UNC5C: variants seen among roughly 807,000 people sequenced by gnomAD.
UNC5C encodes unc-5 netrin receptor C, also known as netrin receptor UNC5C.
A neutral mutation model predicts 99.8 loss-of-function variants in UNC5C; 47 were observed. The ratio of observed to expected loss-of-function variants is 0.47; its 90% CI spans 0.37 to 0.60. The LOEUF is 0.60. Ranked by LOEUF, UNC5C falls within the 20% of genes least tolerant of loss-of-function variation. The pLI, the probability that UNC5C is intolerant of heterozygous loss-of-function variation, is 0.00. For synonymous variants in UNC5C, 487 were observed against 452.2 expected (o/e 1.08, Z -0.98); for missense variants, 1,062 against 1,165.9 (o/e 0.91, Z 1.30).
intron 15 of UNC5C, among the ~76,000 whole-genome samples, chr4:95,169,885 G>T (rs1246118563): frequency 1.5e-4 from 23 of 152,180 alleles, no homozygotes; most frequent in African/African-American, 5.1e-4. Flanking sequence ...ATGGCTATAT[G>T]ATTTGGGGAA....
intron 3 of UNC5C, among the ~76,000 whole-genome samples, chr4:95,298,600 T>C (rs948320096): frequency 6.6e-6 from 1 of 152,090 alleles, no homozygotes; most frequent in Admixed American, 6.5e-5. Context: ...CAGCAAAGCT[T>C]CCTGACCACT....
At chr4:95,387,024 A>T (rs12505551) in intron 1 of UNC5C, among the ~76,000 whole-genome samples, 29,067 of 152,158 alleles carry the variant, frequency 0.19, 3,424 homozygotes, top group Admixed American at 0.32. Context: ...CATTTCTGGA[A>T]GAAAAAATAT....
intron 1 of UNC5C, among the ~76,000 whole-genome samples, chr4:95,504,951 T>G (rs1721875850): frequency 6.6e-6 from 1 of 152,066 alleles, no homozygotes. Context: ...TTCTATATTT[T>G]TAAGGTGTTC....
intron 1 of UNC5C, among the ~76,000 whole-genome samples, chr4:95,411,539 C>A (rs1313871472): frequency 6.6e-6 from 1 of 152,136 alleles, no homozygotes; most frequent in Non-Finnish European, 1.5e-5. Flanking sequence ...TGAATGTTCA[C>A]ATATGTTTAG....
intron 1 of UNC5C, among the ~76,000 whole-genome samples, chr4:95,467,819 A>G (rs1365926546): frequency 6.6e-6 from 1 of 152,224 alleles, no homozygotes; most frequent in East Asian, 1.9e-4. Flanking sequence ...GTCAATTAAC[A>G]CATATATTGT....
At chr4:95,445,635 G>A (rs1339091344) in intron 1 of UNC5C, among the ~76,000 whole-genome samples, 1 of 152,120 alleles carries the variant, frequency 6.6e-6, no homozygotes, top group African/African-American at 2.4e-5. Flanking sequence ...ATGAAGGAAA[G>A]CATTTAGAGG....
Position 95,536,061 on chromosome 4 carries a change from C to CATATATATATATAT in UNC5C, c.124+12659_124+12672dup, listed in dbSNP as rs58901868. Among the ~76,000 whole-genome samples, 3 of 140,832 alleles carry CATATATATATATAT rather than the reference C, an allele frequency of 2.1e-5. No homozygotes were observed. The East Asian group carries it at 6.2e-4, about 29-fold the overall frequency. The allele number at this position is 140,832 out of a possible 152,430, so 92.4% of individuals were successfully genotyped here. ...TGTTGGCAGTCCATATACATACATACATATATATATATATATATATATTTT... is the reference window on the plus strand; with the variant it reads ...TGTTGGCAGTCCATATACATACATACATATATATATATATATATATATATATATATATATATTTT... On this transcript the variant is annotated intron_variant, in intron 1 of 15. Transcript: ENST00000453304.
intron 2 of UNC5C, among the ~76,000 whole-genome samples, chr4:95,327,215 C>G (rs543913335): frequency 6.6e-6 from 1 of 152,160 alleles, no homozygotes; most frequent in Admixed American, 6.5e-5. Flanking sequence ...AAACAAATGC[C>G]TTTATTTCAA....
chr4:95,408,539 T>C lies in UNC5C; in HGVS notation c.125-72908A>G, dbSNP rs111627155. On this transcript the variant is annotated intron_variant, in intron 1 of 15. Coordinates refer to ENST00000453304, the MANE Select transcript of UNC5C (RefSeq NM_003728.4). The stretch of plus-strand genomic sequence containing the variant: ...TCTAAGGGAAATCTTCCTCTCTCAA[T>C]AGTAAAGCATTTGTTACCAAGTATT... Among the ~76,000 whole-genome samples the C allele has an allele frequency of 9.6e-3, 1,460 of 152,276 alleles. 31 individuals carry two copies. The highest frequency in any genetic ancestry group is 0.033 in the African/African-American group (1,390 of 41,550).
rs151152844 is a variant in UNC5C, at chr4:95,335,519, C to A, written c.237G>T (p.Val79=). ...EEAYIVKNKP[V]NLYCKASPAT... is the part of the protein sequence containing the mutation. ...CAGGGCTTGCTTTACAGTACAGGTT[C>A]ACGGGCTTATTCTTCACAATATAAG... The change falls in exon 2 of 16, where the codon GTG becomes GTT. Residue 79 remains valine, a synonymous_variant. Transcript: ENST00000453304. 7 of 1,612,424 alleles carry A rather than the reference C, an allele frequency of 4.3e-6. No homozygotes were observed. The highest frequency in any genetic ancestry group is 1.3e-5 in the African/African-American group (1 of 74,936).
intron 7 of UNC5C, among the ~76,000 whole-genome samples, chr4:95,229,530 A>G (rs1382768934): frequency 1.3e-5 from 2 of 152,096 alleles, no homozygotes; most frequent in African/African-American, 4.8e-5. Context: ...TCTATCATTG[A>G]TGGGCATTTG....
intron 1 of UNC5C, among the ~76,000 whole-genome samples, chr4:95,495,572 T>C (rs1174273214): frequency 1.3e-5 from 2 of 151,674 alleles, no homozygotes; most frequent in African/African-American, 4.8e-5. Context: ...AGATGATTTC[T>C]CTGAATCTTC....
chr4:95,189,045 G>GACTT (rs545286609), intron 12 of UNC5C, among the ~76,000 whole-genome samples: 82 of 152,202 alleles, frequency 5.4e-4, no homozygotes, highest in African/African-American at 8.0e-4. Flanking sequence ...GATTTAGGAA[G>GACTT]ACTTAAGAGA....
At chr4:95,489,154 G>A (rs1721410805) in intron 1 of UNC5C, among the ~76,000 whole-genome samples, 3 of 150,692 alleles carry the variant, frequency 2.0e-5, no homozygotes, top group African/African-American at 7.3e-5. Flanking sequence ...AAGAAGGAAG[G>A]AAGGAAGGAA....
In UNC5C at chr4:95,335,504, T is replaced by C. The variant is rs1303361605; in HGVS notation, c.252A>G (p.Lys84=). The part of the protein sequence containing the change: ...VKNKPVNLYC[K]ASPATQIYFK... ...AATAGATCTGGGTGGCAGGGCTTGCTTTACAGTACAGGTTCACGGGCTTAT... is the reference window on the plus strand; with the variant it reads ...AATAGATCTGGGTGGCAGGGCTTGCCTTACAGTACAGGTTCACGGGCTTAT... Residue 84 remains lysine (K), a synonymous_variant, in exon 2 of 16, where the codon AAA becomes AAG. Transcript: ENST00000453304. The C allele has an allele frequency of 6.2e-7, 1 of 1,612,478 alleles. No individual in the cohort carries two copies. Among genetic ancestry groups the C allele is most frequent in the African/African-American group, 1.3e-5 (1 of 74,960 alleles).
chr4:95,406,975 AT>A (rs1745847909), intron 1 of UNC5C, among the ~76,000 whole-genome samples: 1 of 152,186 alleles, frequency 6.6e-6, no homozygotes, highest in African/African-American at 2.4e-5. Flanking sequence ...TTAAATGGAC[AT>A]TTTTAGGGGC....
intron 2 of UNC5C, among the ~76,000 whole-genome samples, chr4:95,334,681 T>A (rs961625860): frequency 2.6e-5 from 4 of 151,968 alleles, no homozygotes; most frequent in African/African-American, 9.7e-5. Flanking sequence ...CCACAGGTTA[T>A]TAGAATCTAC....
chr4:95,308,933 C>A (rs1160568373), intron 2 of UNC5C, among the ~76,000 whole-genome samples: 5 of 151,994 alleles, frequency 3.3e-5, no homozygotes, highest in Non-Finnish European at 7.4e-5. Context: ...GAAAAACAAT[C>A]TTAAAATTCA....
In UNC5C at chr4:95,219,296, G is replaced by C. The variant is rs1738377346; in HGVS notation, c.1318C>G (p.Pro440Ala). The change falls in exon 9 of 16, where the codon CCA (proline) becomes GCA (alanine). Residue 440 changes from proline to alanine, a missense_variant. By Grantham distance (27) the Pro-to-Ala change is conservative. This residue lies in a region of UNC5C where 810 missense variants were observed against 854.5 expected (regional missense o/e 0.95). Coordinates refer to ENST00000453304, the MANE Select transcript of UNC5C (RefSeq NM_003728.4). ...AARQDLLAVP[P>A]DLTSAAAMYR... ...ATGGCTGCAGCTGACGTGAGGTCTG[G>C]GGGTACAGCCAGCAGATCTGAGTCA... The C allele has an allele frequency of 5.0e-6, 8 of 1,613,530 alleles. No homozygotes were observed. Among genetic ancestry groups the C allele is most frequent in the Middle Eastern group, 1.6e-4 (1 of 6,074 alleles).
Sources: allele counts gnomAD v4.1 joint callset (sites outside exome capture counted in the v4.1 genomes callset), GRCh38; gene constraint gnomAD v4.1.1; regional missense constraint gnomAD v4.1.1; transcripts MANE v1.5; gene names NCBI Gene and HGNC (gene_info 2026-07-23, HGNC 2026-07-21).